The following ROBO2 variants were observed in gnomAD, a reference collection of about 807,000 sequenced individuals.
The protein encoded by ROBO2 is roundabout guidance receptor 2.
A neutral mutation model predicts 160.8 loss-of-function variants in ROBO2; 53 were observed. The observed-to-expected ratio is 0.33, with a 90% confidence interval of 0.26 to 0.41. ROBO2 has a LOEUF of 0.41. ROBO2 is among the 10% of genes least tolerant of loss of function. ROBO2 has a pLI of 1.00. For missense variants in ROBO2, 1,577 were observed against 1,722.4 expected (o/e 0.92, Z 1.49); for synonymous variants, 664 against 611.7 (o/e 1.09, Z -1.26).
intron 16 of ROBO2, among the ~76,000 whole-genome samples, chr3:77,585,521 A>G (rs2094023209): frequency 6.6e-6 from 1 of 152,068 alleles, no homozygotes; most frequent in African/African-American, 2.4e-5. Context: ...GATAAAAGTA[A>G]CCTAGAAAAT....
At chr3:75,964,628 T>C (rs1250641040) in intron 2 of ROBO2, among the ~76,000 whole-genome samples, 16 of 151,658 alleles carry the variant, frequency 1.1e-4, no homozygotes, top group African/African-American at 2.4e-5. Flanking sequence ...TTAGACAACA[T>C]GAAAATATCT....
intron 2 of ROBO2, among the ~76,000 whole-genome samples, chr3:77,343,269 A>C (rs2153452629): frequency 6.6e-6 from 1 of 152,296 alleles, no homozygotes; most frequent in South Asian, 2.1e-4. Context: ...GAGTTACATA[A>C]GCAGAAGAGA....
intron 2 of ROBO2, among the ~76,000 whole-genome samples, chr3:76,812,909 A>ATTTTTTTTT (rs71104626): frequency 0.018 from 1,858 of 104,578 alleles, 67 homozygotes; most frequent in South Asian, 0.024. Flanking sequence ...AGAAGTATAA[A>ATTTTTTTTT]TTTTTTTTTT....
intron 2 of ROBO2, among the ~76,000 whole-genome samples, chr3:76,918,492 A>G (rs888519816): frequency 4.7e-4 from 72 of 152,318 alleles, no homozygotes; most frequent in African/African-American, 1.4e-3. Flanking sequence ...ATATTTTATT[A>G]TGTATATAAT....
At chr3:76,823,517 G>C (rs1036526970) in intron 2 of ROBO2, among the ~76,000 whole-genome samples, 1 of 152,090 alleles carries the variant, frequency 6.6e-6, no homozygotes, top group African/African-American at 2.4e-5. Flanking sequence ...TTGATATTTG[G>C]CCTGTGCTTT....
chr3:77,098,705 A>G (rs972127078), intron 2 of ROBO2, among the ~76,000 whole-genome samples: 9 of 151,986 alleles, frequency 5.9e-5, no homozygotes, highest in Non-Finnish European at 1.0e-4. Context: ...AAGAAAAAAA[A>G]AATTATCCGG....
chr3:77,290,033 C>T (rs116691792), intron 2 of ROBO2, among the ~76,000 whole-genome samples: 5,637 of 141,612 alleles, frequency 0.04, 362 homozygotes, highest in African/African-American at 0.14. Flanking sequence ...GTAAAATTGA[C>T]GATTAAATGG....
intron 2 of ROBO2, among the ~76,000 whole-genome samples, chr3:77,110,527 A>G (rs1479396075): frequency 6.6e-6 from 1 of 151,742 alleles, no homozygotes; most frequent in African/African-American, 2.4e-5. Flanking sequence ...ATGCTGAATT[A>G]AATATCCACA....
rs145849830 is a variant in ROBO2, at chr3:76,931,376, C to T, written c.110-166638C>T. On this transcript the variant is annotated intron_variant, in intron 2 of 26. Transcript: ENST00000487694. ...AGAAAGCAAAATAGTGAAAGCTATC[C>T]GTTCTTATTAGATTTCCATTGGAGA... Among the ~76,000 whole-genome samples, 1,350 of 152,176 alleles carry T rather than the reference C, an allele frequency of 8.9e-3. 22 individuals carry two copies. The highest frequency in any genetic ancestry group is 0.031 in the African/African-American group (1,287 of 41,532).
chr3:76,130,156 T>A (rs1397200694), intron 2 of ROBO2, among the ~76,000 whole-genome samples: 1 of 152,080 alleles, frequency 6.6e-6, no homozygotes, highest in African/African-American at 2.4e-5. Flanking sequence ...CTTTTTCTTA[T>A]AAGCTCTGCA....
intron 2 of ROBO2, among the ~76,000 whole-genome samples, chr3:76,672,436 A>C (rs1383056874): frequency 4.6e-5 from 7 of 152,178 alleles, no homozygotes; most frequent in Non-Finnish European, 1.0e-4. Flanking sequence ...TTTACTTTGG[A>C]AGAAAGGGAA....
At chr3:77,336,426 AT>A (rs142900808) in intron 2 of ROBO2, among the ~76,000 whole-genome samples, 24,166 of 150,282 alleles carry the variant, frequency 0.16, 2,209 homozygotes, top group East Asian at 0.26. Flanking sequence ...TCCTTATTTC[AT>A]TTTTCTGTTC....
intron 16 of ROBO2, among the ~76,000 whole-genome samples, chr3:77,583,389 T>C (rs996633801): frequency 2.0e-5 from 3 of 151,800 alleles, no homozygotes; most frequent in Admixed American, 2.0e-4. Flanking sequence ...TTTTGCCTAG[T>C]CTTCTACTTG....
chr3:76,853,967 G>A (rs1399948541), intron 2 of ROBO2, among the ~76,000 whole-genome samples: 1 of 150,278 alleles, frequency 6.7e-6, no homozygotes, highest in Non-Finnish European at 1.5e-5. Context: ...GAGTCTCTTT[G>A]CAGTCTTCTG....
intron 2 of ROBO2, among the ~76,000 whole-genome samples, chr3:76,910,996 A>G (rs2075960808): frequency 6.6e-6 from 1 of 152,236 alleles, no homozygotes; most frequent in Non-Finnish European, 1.5e-5. Context: ...GAAAATACAT[A>G]ATTTTAATAG....
At chr3:77,429,032 A>G (rs188248197) in intron 2 of ROBO2, among the ~76,000 whole-genome samples, 1 of 152,340 alleles carries the variant, frequency 6.6e-6, no homozygotes, top group Admixed American at 6.5e-5. Context: ...TAGATCAGCT[A>G]AACAATTACT....
intron 2 of ROBO2, among the ~76,000 whole-genome samples, chr3:76,372,347 C>T (rs1384937182): frequency 6.6e-6 from 1 of 151,818 alleles, no homozygotes; most frequent in Non-Finnish European, 1.5e-5. Flanking sequence ...CAAGGTTGAA[C>T]AACATGTACC....
chr3:77,064,248 A>T (rs1303074119), intron 1 of ROBO2, among the ~76,000 whole-genome samples: 1 of 152,198 alleles, frequency 6.6e-6, no homozygotes, highest in Non-Finnish European at 1.5e-5. Context: ...TTAGTTTATA[A>T]AAGTTTGTAA....
intron 2 of ROBO2, among the ~76,000 whole-genome samples, chr3:76,900,938 A>G (rs1412449957): frequency 2.0e-5 from 3 of 152,308 alleles, no homozygotes; most frequent in East Asian, 1.9e-4. Flanking sequence ...TAAATTCACA[A>G]TCTTGTGTTG....
Sources: allele counts gnomAD v4.1 joint callset (sites outside exome capture counted in the v4.1 genomes callset), GRCh38; gene constraint gnomAD v4.1.1; transcripts MANE v1.5; gene names NCBI Gene and HGNC (gene_info 2026-07-23, HGNC 2026-07-21).